The following ADGRB3 variants were observed in gnomAD, a reference collection of about 807,000 sequenced individuals.
The protein encoded by ADGRB3 is adhesion G protein-coupled receptor B3.
ADGRB3 carries 37 observed loss-of-function variants against 193.4 expected under a neutral mutation model. The observed-to-expected ratio is 0.19, with a 90% CI of 0.15 to 0.25. The LOEUF (loss-of-function observed/expected upper bound fraction) is 0.25. Among genes scored for constraint, ADGRB3 ranks in the 10% least tolerant of loss-of-function variants. The pLI is 1.00. For synonymous variants in ADGRB3, 690 were observed against 644.2 expected (o/e 1.07, Z -1.08); for missense variants, 1,637 against 1,852.9 (o/e 0.88, Z 2.14).
intron 17 of ADGRB3, among the ~76,000 whole-genome samples, chr6:69,079,434 TAAG>T (rs2150313836): frequency 6.6e-6 from 1 of 152,196 alleles, no homozygotes; most frequent in South Asian, 2.1e-4. Flanking sequence ...CTCAAAATAA[TAAG>T]AACTATTTAT....
At chr6:69,214,091 A>G (rs374598627) in intron 17 of ADGRB3, among the ~76,000 whole-genome samples, 6 of 152,140 alleles carry the variant, frequency 3.9e-5, no homozygotes, top group African/African-American at 1.4e-4. Context: ...AAAGTTTTAC[A>G]GAGAAGAGGG....
intron 29 of ADGRB3, among the ~76,000 whole-genome samples, chr6:69,371,794 T>G (rs1276737658): frequency 6.6e-6 from 1 of 152,034 alleles, no homozygotes; most frequent in African/African-American, 2.4e-5. Flanking sequence ...TACATTTTAC[T>G]GGGGTGCGGA....
intron 3 of ADGRB3, among the ~76,000 whole-genome samples, chr6:68,888,477 C>T (rs1406430982): frequency 1.3e-5 from 2 of 151,366 alleles, no homozygotes; most frequent in Non-Finnish European, 2.9e-5. Context: ...ATTGTGGTCA[C>T]ATTCATTTAT....
At chr6:69,007,947 CT>C (rs1288468942) in intron 11 of ADGRB3, among the ~76,000 whole-genome samples, 6 of 152,100 alleles carry the variant, frequency 3.9e-5, no homozygotes, top group African/African-American at 1.4e-4. Context: ...AAGCTGGTCC[CT>C]TGTTGCTGCA....
At chr6:69,059,995 T>C (rs1391761646) in intron 15 of ADGRB3, among the ~76,000 whole-genome samples, 1 of 150,998 alleles carries the variant, frequency 6.6e-6, no homozygotes, top group African/African-American at 2.4e-5. Context: ...ATTGAGCTTA[T>C]TATCATATGG....
chr6:68,791,805 T>C (rs546574333), intron 3 of ADGRB3, among the ~76,000 whole-genome samples: 4 of 152,286 alleles, frequency 2.6e-5, no homozygotes, highest in Non-Finnish European at 4.4e-5. Flanking sequence ...ATAAAGTAAA[T>C]TAAAAATCAG....
At chr6:69,331,023 T>A (rs1452656776) in intron 23 of ADGRB3, among the ~76,000 whole-genome samples, 6 of 152,108 alleles carry the variant, frequency 3.9e-5, no homozygotes, top group African/African-American at 1.4e-4. Context: ...ATATTTTGGA[T>A]CATATGTTTG....
intron 13 of ADGRB3, among the ~76,000 whole-genome samples, chr6:69,044,771 A>G (rs1035260950): frequency 5.3e-5 from 8 of 152,248 alleles, no homozygotes; most frequent in Admixed American, 2.6e-4. Context: ...AAAACACGAT[A>G]CAGTGAATTT....
chr6:68,657,989 A>G (rs1262192524), intron 3 of ADGRB3, among the ~76,000 whole-genome samples: 1 of 151,410 alleles, frequency 6.6e-6, no homozygotes, highest in African/African-American at 2.4e-5. Flanking sequence ...TGAGAATTCA[A>G]ATGGAACAAA....
At position 69,208,467 on chromosome 6, in the gene ADGRB3, A is replaced by G. The variant is rs114719053; in HGVS notation, c.2481-24823A>G. Among the ~76,000 whole-genome samples the G allele has an allele frequency of 5.0e-3, 756 of 152,196 alleles. 10 individuals are homozygous for G. Among genetic ancestry groups the G allele is most frequent in the African/African-American group, 0.017 (724 of 41,512 alleles). On this transcript the variant is annotated intron_variant, in intron 17 of 31. Transcript: ENST00000370598. ...TACACATCTGGCCATTTCCCCTTCC[A>G]TGCAAAGTATATAACCAGGTGCACT...
intron 18 of ADGRB3, among the ~76,000 whole-genome samples, chr6:69,233,932 A>G (rs899969377): frequency 1.3e-5 from 2 of 152,216 alleles, no homozygotes; most frequent in Non-Finnish European, 2.9e-5. Flanking sequence ...GCTGTCAGGA[A>G]CTGTAAAATT....
intron 3 of ADGRB3, among the ~76,000 whole-genome samples, chr6:68,851,559 G>A (rs62416367): frequency 0.093 from 14,164 of 151,634 alleles, 869 homozygotes; most frequent in Non-Finnish European, 0.13. Context: ...ATAAACTATG[G>A]CATTTAGGAA....
At chr6:69,208,413 T>G (rs1765583996) in intron 17 of ADGRB3, among the ~76,000 whole-genome samples, 1 of 152,186 alleles carries the variant, frequency 6.6e-6, no homozygotes, top group African/African-American at 2.4e-5. Flanking sequence ...GCCAAACCAT[T>G]GGCTACAGCC....
chr6:69,368,062 G>T (rs1769617742), intron 29 of ADGRB3, among the ~76,000 whole-genome samples: 1 of 151,494 alleles, frequency 6.6e-6, no homozygotes, highest in Non-Finnish European at 1.5e-5. Flanking sequence ...GAGTTAATGG[G>T]TGCAGCGCAC....
intron 6 of ADGRB3, among the ~76,000 whole-genome samples, chr6:68,954,910 T>C (rs540282540): frequency 6.6e-6 from 1 of 152,246 alleles, no homozygotes; most frequent in East Asian, 1.9e-4. Context: ...CTCGATCTCC[T>C]GACCTTTTGA....
intron 16 of ADGRB3, 142 bp from the exon 17 acceptor site, chr6:69,075,853 A>T: frequency 1.5e-6 from 1 of 653,436 alleles, no homozygotes; most frequent in Non-Finnish European, 2.6e-6. Flanking sequence ...CAAATTTCTT[A>T]TAAATAATTA....
chr6:69,346,943 G>T (rs1372104086), intron 26 of ADGRB3, among the ~76,000 whole-genome samples: 1 of 152,128 alleles, frequency 6.6e-6, no homozygotes, highest in Non-Finnish European at 1.5e-5. Flanking sequence ...CAATAGCAAA[G>T]ACTTGGAACT....
chr6:69,046,375 A>G (rs932645640), intron 13 of ADGRB3, among the ~76,000 whole-genome samples: 10 of 152,194 alleles, frequency 6.6e-5, no homozygotes. Context: ...TAGAGGACTC[A>G]AGAAAGAATG....
Position 69,031,025 on chromosome 6 carries a change from TCC to T in ADGRB3, c.2107+12527_2107+12528del, listed in dbSNP as rs1562128760. ...CCTTTCTTTTCTTTTCTTTTTTTTTTCCTCTTCTCTTCTCTCTTCTCTTCTCT... is the reference window on the plus strand; with the variant it reads ...CCTTTCTTTTCTTTTCTTTTTTTTTTTCTTCTCTTCTCTCTTCTCTTCTCT... On this transcript the variant is annotated intron_variant, in intron 13 of 31. Coordinates refer to ENST00000370598, the MANE Select transcript of ADGRB3 (RefSeq NM_001704.3). Among the ~76,000 whole-genome samples, 8 of 69,022 alleles carry T rather than the reference TCC, an allele frequency of 1.2e-4. 1 individual carries two copies. Among genetic ancestry groups the T allele is most frequent in the African/African-American group, 4.4e-4 (6 of 13,774 alleles). The allele number at this position is 69,022 out of a possible 152,430, so 45.3% of individuals were successfully genotyped here.
Sources: gnomAD v4.1 joint callset for allele counts (sites outside exome capture counted in the v4.1 genomes callset) on GRCh38, gnomAD v4.1.1 for gene constraint, MANE v1.5 for transcripts, NCBI Gene and HGNC (gene_info 2026-07-23, HGNC 2026-07-21) for gene names.